The following ALG13 variants were observed in gnomAD, a reference collection of about 807,000 sequenced individuals.
ALG13 encodes UDP-N-acetylglucosamine transferase subunit ALG13.
Under a neutral mutation model 87.8 loss-of-function variants are expected in ALG13, and 11 were observed. The observed-to-expected ratio is 0.13, with a 90% CI of 0.08 to 0.21. The LOEUF is 0.21. ALG13 is among the 10% of genes least tolerant of loss of function. ALG13 has a pLI of 1.00. For synonymous variants in ALG13, 320 were observed against 306.3 expected (o/e 1.04, Z -0.47); for missense variants, 756 against 866.1 (o/e 0.87, Z 1.60).
In ALG13 at chrX:111,719,426, C is replaced by T. The variant is rs1941121477; in HGVS notation, c.1251-669C>T. Among the ~76,000 whole-genome samples the T allele has an allele frequency of 1.8e-5, 2 of 112,102 alleles. 1 individual carries two copies. Among genetic ancestry groups the T allele is most frequent in the South Asian group, 7.5e-4 (2 of 2,664 alleles). On this transcript the variant is annotated intron_variant, in intron 10 of 26. Transcript: ENST00000394780. ...CACTGATCACTTGTCTTAAGGACTT[C>T]AGGCTTACGGAAACTACAGTAGTCG...
intron 24 of ALG13, among the ~76,000 whole-genome samples, chrX:111,748,355 G>A (rs1173194107): frequency 1.8e-5 from 2 of 111,549 alleles, no homozygotes; most frequent in African/African-American, 3.3e-5. Flanking sequence ...AAAAGTAATC[G>A]CCAGTCTTGG....
At chrX:111,726,298 A>G (rs1201206215) in intron 15 of ALG13, among the ~76,000 whole-genome samples, 1 of 89,067 alleles carries the variant, frequency 1.1e-5, no homozygotes, top group Non-Finnish European at 2.1e-5. Flanking sequence ...CAGTTGTGCG[A>G]TCTTGGCTCA....
intron 15 of ALG13, among the ~76,000 whole-genome samples, chrX:111,725,942 TTTTGTTTGTTTG>T (rs750313283): frequency 5.4e-5 from 6 of 111,501 alleles, no homozygotes; most frequent in Non-Finnish European, 1.1e-4. Context: ...TTTTTGGGGT[TTTTGTTTGTTTG>T]TTTGTTTGAG....
At chrX:111,689,888 T>C in intron 3 of ALG13, 1 of 753,937 alleles carries the variant, frequency 1.3e-6, no homozygotes, top group Non-Finnish European at 1.6e-6. Context: ...GGAAGTTATT[T>C]AGTAGGAATT....
intron 11 of ALG13, among the ~76,000 whole-genome samples, chrX:111,721,004 A>G (rs1340860698): frequency 1.9e-5 from 2 of 105,841 alleles, no homozygotes; most frequent in Non-Finnish European, 3.9e-5. Context: ...TTTAAAATAT[A>G]TGGCAAAATT....
At position 111,712,450 on chromosome X, in the gene ALG13, G is replaced by A. The variant is rs748122996; in HGVS notation, c.886-34G>A. On this transcript the variant is annotated intron_variant, in intron 6 of 26. Transcript: ENST00000394780. ...AAAAACTACCTCCTAGCTACAGAATGTTTTTTAAAACTCAATACACTATTT... is the reference window on the plus strand; with the variant it reads ...AAAAACTACCTCCTAGCTACAGAATATTTTTTAAAACTCAATACACTATTT... 3.8e-6 allele frequency: 4 copies of A among 1,050,462 alleles called. No homozygotes were observed. The East Asian group carries it at 1.3e-4, about 34-fold the overall frequency. 86.6% of individuals were successfully genotyped at this position (1,050,462 alleles called of 1,213,427 possible). A position where few individuals can be genotyped will look rare whatever the true frequency, so the allele number is the denominator to read the frequency against.
At position 111,727,009 on chromosome X, in the gene ALG13, C is replaced by A. The variant is rs759934702; in HGVS notation, c.1930C>A (p.Pro644Thr). 23 of 1,209,307 alleles carry A rather than the reference C, an allele frequency of 1.9e-5. No individual in the cohort carries two copies. The change falls in exon 16 of 27, where the codon CCT becomes ACT. Residue 644 changes from proline to threonine, a missense_variant. This residue lies in a region of ALG13 where 362 missense variants were observed against 383.5 expected (regional missense o/e 0.94). Transcript: ENST00000394780. Reference protein sequence around the residue: ...GNVMSNEHFHPQHPSPRQGRG... With the variant: ...GNVMSNEHFHTQHPSPRQGRG... ...TGTTATGTCTAATGAACATTTTCAT[C>A]CTCAGCATCCATCTCCGAGACAAGG...
intron 24 of ALG13, among the ~76,000 whole-genome samples, chrX:111,749,249 ATT>A (rs373903439): frequency 9.1e-6 from 1 of 109,760 alleles, no homozygotes; most frequent in African/African-American, 3.3e-5. Context: ...GGTGGAGGTG[ATT>A]TTTTTTTCTT....
At chrX:111,753,969 A>G (rs1944995054) in intron 25 of ALG13, among the ~76,000 whole-genome samples, 1 of 111,751 alleles carries the variant, frequency 8.9e-6, no homozygotes, top group Non-Finnish European at 1.9e-5. Flanking sequence ...AGACACAACA[A>G]AAAAAGAAAA....
At chrX:111,722,239 G>A (rs942015691) in intron 12 of ALG13, among the ~76,000 whole-genome samples, 1 of 112,032 alleles carries the variant, frequency 8.9e-6, no homozygotes, top group African/African-American at 3.2e-5. Flanking sequence ...TATGGCCCAA[G>A]AAACTGAAAA....
At chrX:111,688,515 C>A in intron 3 of ALG13, 1 of 747,780 alleles carries the variant, frequency 1.3e-6, no homozygotes, top group Non-Finnish European at 1.6e-6. Flanking sequence ...ATCTCTTGTA[C>A]TTGGAAAAGC....
chrX:111,685,166 C>T, intron 3 of ALG13, 63 bp downstream of exon 3: 1 of 1,105,303 alleles, frequency 9.0e-7, no homozygotes, highest in African/African-American at 1.8e-5. Context: ...TTCCTCTTAT[C>T]CACCTACCTA....
Position 111,727,736 on chromosome X carries a change from A to G in ALG13, c.2213A>G (p.Glu738Gly), listed in dbSNP as rs374174400. Residue 738 changes from glutamate (E) to glycine (G), a missense_variant, in exon 18 of 27, where the codon GAA (glutamate) becomes GGA (glycine). By Grantham distance (98) the Glu-to-Gly change is moderately conservative (BLOSUM62 -2). Transcript: ENST00000394780. ...GAAACTATTACTTTTTATGAAGTTG[A>G]AGAAGGGGATGAGACTGCTTATCCA... ...LEETITFYEV[E>G]EGDETAYPTL... The G allele has an allele frequency of 6.1e-5, 74 of 1,208,386 alleles. No homozygotes were observed. The highest frequency in any genetic ancestry group is 7.7e-5 in the Non-Finnish European group (69 of 894,578).
At chrX:111,692,031 A>G (rs145631049) in intron 3 of ALG13, among the ~76,000 whole-genome samples, 1,370 of 111,645 alleles carry the variant, frequency 0.012, 11 homozygotes, top group African/African-American at 0.034. Context: ...CTCCTAAATG[A>G]TATTTCCAAT....
intron 25 of ALG13, among the ~76,000 whole-genome samples, chrX:111,756,914 C>T (rs1945306651): frequency 9.0e-6 from 1 of 111,685 alleles, no homozygotes; most frequent in African/African-American, 3.3e-5. Context: ...TTATTATAGT[C>T]ACATGTGGAA....
intron 21 of ALG13, among the ~76,000 whole-genome samples, chrX:111,731,764 A>G (rs1178136867): frequency 1.8e-5 from 2 of 112,010 alleles, no homozygotes; most frequent in Non-Finnish European, 3.8e-5. Flanking sequence ...TATACTACTA[A>G]GATTTGCTAT....
chrX:111,724,870 G>A (rs1279029085), intron 14 of ALG13, 64 bp from the exon 15 acceptor site: 113 of 1,117,300 alleles, frequency 1.0e-4, no homozygotes, highest in Non-Finnish European at 1.3e-4. Flanking sequence ...GGTGGGATAC[G>A]TGTATTGAAT....
intron 12 of ALG13, 97 bp downstream of exon 12, chrX:111,721,808 T>C (rs1365533394): frequency 2.9e-5 from 14 of 489,676 alleles, no homozygotes; most frequent in Non-Finnish European, 4.9e-5. Flanking sequence ...AATACTGTTA[T>C]AAAAAATAGC....
At chrX:111,735,592 C>G (rs911767827) in intron 22 of ALG13, among the ~76,000 whole-genome samples, 1 of 111,006 alleles carries the variant, frequency 9.0e-6, no homozygotes, top group African/African-American at 3.3e-5. Context: ...GAAGGACCAT[C>G]CAAGAGGGAG....
Sources: gnomAD v4.1 joint callset for allele counts (sites outside exome capture counted in the v4.1 genomes callset) on GRCh38, gnomAD v4.1.1 for gene constraint, gnomAD v4.1.1 regional missense constraint, MANE v1.5 for transcripts, NCBI Gene and HGNC (gene_info 2026-07-23, HGNC 2026-07-21) for gene names.